DOP1B: variants seen among roughly 807,000 people sequenced by gnomAD.
DOP1B encodes DOP1 leucine zipper like protein B, also known as protein DOP1B.
In DOP1B, 174 loss-of-function variants were observed where a neutral mutation model predicts 233.5. The observed-to-expected ratio is 0.75, with a 90% CI of 0.66 to 0.85. The LOEUF is 0.85. DOP1B is among the 40% of genes least tolerant of loss of function. The pLI, the probability that DOP1B is intolerant of heterozygous loss-of-function variation, is 0.00. For missense variants in DOP1B, 2,652 were observed against 2,846.6 expected, an observed-to-expected ratio of 0.93 and a Z score of 1.56; for synonymous variants, 1,190 against 1,185.6, an observed-to-expected ratio of 1.00 and a Z score of -0.08.
At chr21:36,241,091 G>A (rs1049370509) in intron 18 of DOP1B, among the ~76,000 whole-genome samples, 1 of 151,946 alleles carries the variant, frequency 6.6e-6, no homozygotes, top group Non-Finnish European at 1.5e-5. Context: ...TCAAGAGATC[G>A]AGACCATCCT....
intron 17 of DOP1B, among the ~76,000 whole-genome samples, chr21:36,239,502 C>T (rs1331256582): frequency 6.6e-6 from 1 of 152,232 alleles, no homozygotes; most frequent in Non-Finnish European, 1.5e-5. Flanking sequence ...ATTCTGATGC[C>T]TGAGGCCCAG....
intron 4 of DOP1B, among the ~76,000 whole-genome samples, chr21:36,205,615 T>G (rs974417044): frequency 2.6e-5 from 4 of 152,064 alleles, no homozygotes; most frequent in Non-Finnish European, 5.9e-5. Context: ...CTTGAACTCC[T>G]GGGCTCAAAT....
At chr21:36,187,156 C>A (rs73375748) in intron 2 of DOP1B, among the ~76,000 whole-genome samples, 2,312 of 151,038 alleles carry the variant, frequency 0.015, 50 homozygotes, top group African/African-American at 0.051. Flanking sequence ...TGCTCTTCCC[C>A]CAAGGCCTGG....
At chr21:36,265,441 G>C (rs2067220241) in intron 26 of DOP1B, among the ~76,000 whole-genome samples, 1 of 152,074 alleles carries the variant, frequency 6.6e-6, no homozygotes, top group Non-Finnish European at 1.5e-5. Flanking sequence ...AGCATAATTA[G>C]AAAATTCCAG....
chr21:36,293,261 C>G, intron 36 of DOP1B, 59 bp from the exon 37 acceptor site: 1 of 1,567,674 alleles, frequency 6.4e-7, no homozygotes. Flanking sequence ...ATGTGCTTCC[C>G]AGCCATCTCG....
rs533275333 is a variant in DOP1B at position 36,207,952 on chromosome 21, C to T, written c.492-763C>T. Among the ~76,000 whole-genome samples the T allele has an allele frequency of 8.1e-4, 123 of 152,172 alleles. 2 individuals are homozygous for T. Among genetic ancestry groups the T allele is most frequent in the Non-Finnish European group, 2.8e-4 (19 of 68,028 alleles). On this transcript the variant is annotated intron_variant, in intron 4 of 36. Coordinates refer to ENST00000691173, the MANE Select transcript of DOP1B (RefSeq NM_001320714.2). ...CAGACATGGGCCTGGCCTTGGTCAG[C>T]GTCAGGGGAAAAACGAGCCCTGATC... is the stretch of plus-strand genomic sequence containing the variant.
At position 36,228,971 on chromosome 21, in the gene DOP1B, CA is replaced by C. The variant is rs565728913; in HGVS notation, c.1665+1103del. Among the ~76,000 whole-genome samples, 736 of 151,472 alleles carry C rather than the reference CA, an allele frequency of 4.9e-3. 8 individuals carry two copies. The highest frequency in any genetic ancestry group is 0.017 in the African/African-American group (704 of 41,342). ...GAGTGAGAGCAAGACCCTGTCTCTA[CA>C]AAAAAAAATTTTTAAGTTTAGCACC... On this transcript the variant is annotated intron_variant, in intron 13 of 36. Transcript: ENST00000691173.
At chr21:36,199,337 A>G in intron 3 of DOP1B, 86 bp downstream of exon 3, 1 of 1,510,000 alleles carries the variant, frequency 6.6e-7, no homozygotes, top group Admixed American at 2.0e-5. Flanking sequence ...ACAAACAGGC[A>G]AAATAAGCGT....
At position 36,245,451 on chromosome 21, in the gene DOP1B, G is replaced by C. The variant is rs780545605; in HGVS notation, c.3471G>C (p.Lys1157Asn). The C allele has an allele frequency of 1.2e-6, 2 of 1,613,870 alleles. No homozygotes were observed. Among genetic ancestry groups the C allele is most frequent in the Admixed American group, 1.7e-5 (1 of 60,016 alleles). Residue 1157 changes from lysine (K) to asparagine (N), a missense_variant, in exon 19 of 37, where the codon AAG becomes AAC. Transcript: ENST00000691173. The surrounding 1 kb of genome is among the most constrained non-coding windows in gnomAD (Gnocchi z 5.5). ...PIPMGGRAYP[K>N]RSALLAAFQS... is the part of the protein sequence containing the mutation. ...CCATGGGGGGCAGGGCGTACCCCAA[G>C]CGCTCGGCCCTGCTGGCGGCCTTCC...
intron 30 of DOP1B, 76 bp downstream of exon 30, chr21:36,278,431 A>G: frequency 1.4e-6 from 2 of 1,478,434 alleles, no homozygotes; most frequent in South Asian, 2.6e-5. Context: ...CAGAATTCTC[A>G]TTCCTGAAAT....
At chr21:36,230,357 A>T in intron 13 of DOP1B, 93 bp from the exon 14 acceptor site, 1 of 1,426,480 alleles carries the variant, frequency 7.0e-7, no homozygotes, top group East Asian at 2.4e-5. Flanking sequence ...ATGATTTTGA[A>T]AAACAGAATT....
At chr21:36,180,623 G>A (rs2066086806) in intron 2 of DOP1B, among the ~76,000 whole-genome samples, 1 of 151,932 alleles carries the variant, frequency 6.6e-6, no homozygotes, top group Non-Finnish European at 1.5e-5. Flanking sequence ...GCTCATGCCT[G>A]TAATCCCAGC....
chr21:36,195,370 A>G (rs55683030), intron 2 of DOP1B, among the ~76,000 whole-genome samples: 61,780 of 142,102 alleles, frequency 0.43, 13,988 homozygotes, highest in African/African-American at 0.54. Flanking sequence ...AAATCCCCCC[A>G]AAACAAAAAA....
In DOP1B at chr21:36,263,542, A is replaced by G. The variant is rs1486137930; in HGVS notation, c.5316-4A>G. 3 of 1,612,436 alleles carry G rather than the reference A, an allele frequency of 1.9e-6. No homozygotes were observed. The highest frequency in any genetic ancestry group is 2.2e-5 in the East Asian group (1 of 44,892). ...AGTATTTTTCCTATCTTTTAAAAAA[A>G]CAGGCTCCCAGTACCAGCCTTGCAA... On this transcript the variant is annotated splice_region_variant and splice_polypyrimidine_tract_variant and intron_variant, in intron 24 of 36. Coordinates refer to ENST00000691173, the MANE Select transcript of DOP1B (RefSeq NM_001320714.2).
Position 36,293,308 on chromosome 21 carries a change from T to C in DOP1B, c.6646-12T>C. On this transcript the variant is annotated splice_polypyrimidine_tract_variant and intron_variant, in intron 36 of 36. Transcript: ENST00000691173. The stretch of plus-strand genomic sequence containing the variant: ...AAACCATATCATTGTTATGGGTTTG[T>C]TTTTTCTGCAGGAAATCAGTAGCTC... The C allele has an allele frequency of 6.2e-7, 1 of 1,611,176 alleles. No homozygotes were observed. The highest frequency in any genetic ancestry group is 1.1e-5 in the South Asian group (1 of 90,868).
At chr21:36,172,503 T>C (rs921096964) in intron 2 of DOP1B, among the ~76,000 whole-genome samples, 1 of 152,212 alleles carries the variant, frequency 6.6e-6, no homozygotes, top group Non-Finnish European at 1.5e-5. Context: ...GATGCATGCC[T>C]GTAATCCTAG....
At chr21:36,252,618 A>T (rs1248232493) in intron 22 of DOP1B, among the ~76,000 whole-genome samples, 1 of 151,634 alleles carries the variant, frequency 6.6e-6, no homozygotes, top group Non-Finnish European at 1.5e-5. Context: ...AGTTTAAGCA[A>T]TTCTCCTGCC....
At chr21:36,231,953 C>G (rs2123551749) in intron 14 of DOP1B, among the ~76,000 whole-genome samples, 2 of 151,508 alleles carry the variant, frequency 1.3e-5, no homozygotes, top group South Asian at 2.1e-4. Flanking sequence ...TCAAGTGATT[C>G]TCCTACCTCA....
chr21:36,168,528 T>C (rs2065937996), intron 2 of DOP1B, among the ~76,000 whole-genome samples: 1 of 151,402 alleles, frequency 6.6e-6, no homozygotes. Flanking sequence ...TCACCAATAC[T>C]TATTTTCAAG....
Sources: gnomAD v4.1 joint callset for allele counts (sites outside exome capture counted in the v4.1 genomes callset) on GRCh38, gnomAD v4.1.1 for gene constraint, Gnocchi (gnomAD v3.1) non-coding constraint, MANE v1.5 for transcripts, NCBI Gene and HGNC (gene_info 2026-07-23, HGNC 2026-07-21) for gene names.